The following CTDSPL variants were observed in gnomAD, a reference collection of about 807,000 sequenced individuals.
CTDSPL encodes CTD small phosphatase-like protein.
In CTDSPL, 8 loss-of-function variants were observed where a neutral mutation model predicts 30.5. The ratio of observed to expected loss-of-function variants is 0.26; its 90% CI spans 0.15 to 0.47. The LOEUF is 0.47. Among genes scored for constraint, CTDSPL ranks in the 20% least tolerant of loss-of-function variants. CTDSPL has a pLI of 0.99. For synonymous variants in CTDSPL, 110 were observed against 137.9 expected (o/e 0.80, Z 1.42); for missense variants, 248 against 366.1 (o/e 0.68, Z 2.63).
chr3:37,921,969 C>CA (rs1484378678), intron 1 of CTDSPL, among the ~76,000 whole-genome samples: 1 of 152,208 alleles, frequency 6.6e-6, no homozygotes, highest in Non-Finnish European at 1.5e-5. Flanking sequence ...CGCGGTGGCT[C>CA]ACGCCTCTCA....
In CTDSPL at chr3:37,955,369, G is replaced by C. The variant is rs932645305; in HGVS notation, c.235-1742G>C. Reference sequence around the variant, plus strand: ...CTTGAGCCAGGAGTTTGAGGCCGCAGTGAGCCGTGATCACACCACTGCATT... The same window carrying C: ...CTTGAGCCAGGAGTTTGAGGCCGCACTGAGCCGTGATCACACCACTGCATT... On this transcript the variant is annotated intron_variant, in intron 2 of 7. Coordinates refer to ENST00000273179, the MANE Select transcript of CTDSPL (RefSeq NM_001008392.2). 2.6e-5 allele frequency among the ~76,000 whole-genome samples: 4 copies of C among 152,208 alleles called. No homozygotes were observed. In the East Asian group the frequency reaches 7.7e-4, roughly 29 times the overall value.
rs960372574 is a variant in CTDSPL at position 37,862,705 on chromosome 3, ATGT to A, written c.79+431_79+433del. Among the ~76,000 whole-genome samples the A allele has an allele frequency of 2.6e-5, 4 of 151,950 alleles. No individual in the cohort carries two copies. Among genetic ancestry groups the A allele is most frequent in the African/African-American group, 9.7e-5 (4 of 41,342 alleles). ...GTAAGGGTTTGCGCACCTAACGGAG[ATGT>A]TGTGAGTGCTTTTTTTCCTGACAGG... On this transcript the variant is annotated intron_variant, in intron 1 of 7. Transcript: ENST00000273179. This position sits in a 1 kb window ranked among gnomAD's most constrained non-coding sequence, Gnocchi z 4.3.
Position 37,960,337 on chromosome 3 carries a change from G to A in CTDSPL, c.267+3194G>A, listed in dbSNP as rs191006529. On this transcript the variant is annotated intron_variant, in intron 3 of 7. Transcript: ENST00000273179. ...TTCTACTAAAAATACAAAATTAGCC[G>A]GGTATGGTGGCACATGCCAGTAATC... 2.9e-3 allele frequency among the ~76,000 whole-genome samples: 442 copies of A among 151,318 alleles called. 11 individuals are homozygous for A. The South Asian group carries it at 0.052, about 18-fold the overall frequency.
At chr3:37,880,105 A>G (rs1639795404) in intron 1 of CTDSPL, among the ~76,000 whole-genome samples, 1 of 148,758 alleles carries the variant, frequency 6.7e-6, no homozygotes, top group Admixed American at 6.7e-5. Context: ...ACTACAGTGT[A>G]CCAAGTAATA....
At chr3:37,902,694 CA>C (rs1698465396) in intron 1 of CTDSPL, among the ~76,000 whole-genome samples, 1 of 152,122 alleles carries the variant, frequency 6.6e-6, no homozygotes, top group Non-Finnish European at 1.5e-5. Flanking sequence ...TCAAACCCCC[CA>C]CAAGGAGGCA....
intron 1 of CTDSPL, among the ~76,000 whole-genome samples, chr3:37,872,248 T>A (rs558460951): frequency 1.6e-4 from 24 of 152,304 alleles, no homozygotes; most frequent in Admixed American, 7.2e-4. Flanking sequence ...AGCATTTTTT[T>A]AAAAATCATG....
intron 7 of CTDSPL, among the ~76,000 whole-genome samples, chr3:37,977,921 C>T (rs868742755): frequency 6.6e-6 from 1 of 152,040 alleles, no homozygotes; most frequent in African/African-American, 2.4e-5. Flanking sequence ...AAAAATAATA[C>T]ATCATGGGTA....
intron 1 of CTDSPL, among the ~76,000 whole-genome samples, chr3:37,924,243 A>G (rs1698754540): frequency 6.6e-6 from 1 of 152,230 alleles, no homozygotes; most frequent in African/African-American, 2.4e-5. Context: ...TTATATGATG[A>G]AAATAAATTT....
At position 37,982,151 on chromosome 3, in the gene CTDSPL, G is replaced by T. The variant is rs1200314574; in HGVS notation, c.*1284G>T. 1 of 318,600 alleles carries T rather than the reference G, an allele frequency of 3.1e-6. No individual in the cohort carries two copies. The highest frequency in any genetic ancestry group is 6.2e-6 in the Non-Finnish European group (1 of 161,658). 19.7% of individuals were successfully genotyped at this position (318,600 alleles called of 1,614,324 possible). ...AAATAAGCTGACTGTTCTCTCTTGA[G>T]AACCTGTGGCCTCAACCAGCCACCA... On this transcript the variant is annotated 3_prime_UTR_variant, in exon 8 of 8. Coordinates refer to ENST00000273179, the MANE Select transcript of CTDSPL (RefSeq NM_001008392.2).
intron 1 of CTDSPL, among the ~76,000 whole-genome samples, chr3:37,903,082 G>T (rs963594327): frequency 6.6e-6 from 1 of 152,162 alleles, no homozygotes; most frequent in African/African-American, 2.4e-5. Context: ...TCATTATCTG[G>T]CAGCTAGAGA....
At chr3:37,943,740 A>G (rs1408399420) in intron 1 of CTDSPL, among the ~76,000 whole-genome samples, 1 of 150,186 alleles carries the variant, frequency 6.7e-6, no homozygotes. Context: ...AAGCGAGGAA[A>G]GGTGGTGAGA....
At chr3:37,899,149 T>G (rs1698421143) in intron 1 of CTDSPL, among the ~76,000 whole-genome samples, 1 of 152,222 alleles carries the variant, frequency 6.6e-6, no homozygotes, top group Admixed American at 6.5e-5. Flanking sequence ...AGTGATACCC[T>G]GGGCTGGAAC....
At chr3:37,866,972 G>A (rs750257103) in intron 1 of CTDSPL, among the ~76,000 whole-genome samples, 3 of 152,054 alleles carry the variant, frequency 2.0e-5, no homozygotes, top group Admixed American at 1.3e-4. Context: ...CCCTCTACCC[G>A]GTTTCTCTTA....
At chr3:37,910,851 C>G (rs1335814423) in intron 1 of CTDSPL, among the ~76,000 whole-genome samples, 1 of 152,156 alleles carries the variant, frequency 6.6e-6, no homozygotes, top group Non-Finnish European at 1.5e-5. Context: ...GAGGTGTGAG[C>G]TCACCACATG....
intron 1 of CTDSPL, among the ~76,000 whole-genome samples, chr3:37,918,917 G>C (rs138272731): frequency 3.6e-3 from 549 of 152,220 alleles, no homozygotes; most frequent in Middle Eastern, 0.02. Context: ...GGGACATTGT[G>C]GGGAGCCGTG....
At chr3:37,956,997 T>C (rs1699181659) in intron 2 of CTDSPL, 114 bp from the exon 3 acceptor site, 3 of 871,804 alleles carry the variant, frequency 3.4e-6, no homozygotes, top group African/African-American at 3.4e-5. Flanking sequence ...ACCACCAAGG[T>C]ACAGAGAATG....
intron 1 of CTDSPL, among the ~76,000 whole-genome samples, chr3:37,927,707 A>ATATATATATATATATATATATAT (rs1559636073): frequency 1.5e-5 from 2 of 135,090 alleles, no homozygotes; most frequent in Admixed American, 7.4e-5. Context: ...TATATATATA[A>ATATATATATATATATATATATAT]AAAATGAAAT....
intron 2 of CTDSPL, 106 bp from the exon 3 acceptor site, chr3:37,957,005 A>G (rs1699181763): frequency 2.2e-6 from 2 of 916,538 alleles, no homozygotes; most frequent in African/African-American, 3.4e-5. Flanking sequence ...GGTACAGAGA[A>G]TGGCAGATCA....
chr3:37,911,642 G>A (rs1439468830), intron 1 of CTDSPL: 1 of 455,816 alleles, frequency 2.2e-6, no homozygotes, highest in East Asian at 7.0e-5. Flanking sequence ...ATGTTTGTCT[G>A]GTTGAACGTT....
Sources: allele counts gnomAD v4.1 joint callset (sites outside exome capture counted in the v4.1 genomes callset), GRCh38; gene constraint gnomAD v4.1.1; non-coding constraint Gnocchi (gnomAD v3.1); transcripts MANE v1.5; gene names NCBI Gene and HGNC (gene_info 2026-07-23, HGNC 2026-07-21).